AFG1L: variants seen among roughly 807,000 people sequenced by gnomAD.
AFG1L encodes AFG1 like ATPase.
In AFG1L, 53 loss-of-function variants were observed where a neutral mutation model predicts 62.2. That is an observed-to-expected ratio of 0.85 (90% CI 0.68 to 1.07). AFG1L has a LOEUF of 1.07. Ranked by LOEUF, AFG1L falls within the 50% of genes least tolerant of loss-of-function variation. The pLI is 0.00. For synonymous variants in AFG1L, 228 were observed against 210.3 expected, an observed-to-expected ratio of 1.08 and a Z score of -0.73; for missense variants, 555 against 590.5, an observed-to-expected ratio of 0.94 and a Z score of 0.62.
chr6:108,441,535 G>A (rs576551396), intron 7 of AFG1L, among the ~76,000 whole-genome samples: 1 of 151,956 alleles, frequency 6.6e-6, no homozygotes, highest in African/African-American at 2.4e-5. Flanking sequence ...AGAGGTCACA[G>A]GCCTTGTAAA....
At chr6:108,460,918 C>G (rs915585991) in intron 8 of AFG1L, among the ~76,000 whole-genome samples, 1 of 152,208 alleles carries the variant, frequency 6.6e-6, no homozygotes, top group African/African-American at 2.4e-5. Flanking sequence ...GATGGCGCCA[C>G]TGCACTCCAG....
At chr6:108,340,505 C>T (rs113602663) in intron 2 of AFG1L, among the ~76,000 whole-genome samples, 3,377 of 152,130 alleles carry the variant, frequency 0.022, 117 homozygotes, top group African/African-American at 0.077. Flanking sequence ...GCTGGGATTA[C>T]AGGCGTGTGC....
chr6:108,396,885 C>A (rs1233394959), intron 6 of AFG1L, among the ~76,000 whole-genome samples: 1 of 152,110 alleles, frequency 6.6e-6, no homozygotes, highest in Non-Finnish European at 1.5e-5. Flanking sequence ...ACTGGATATA[C>A]CATCCTCTCA....
At chr6:108,490,217 G>A (rs1176410206) in intron 10 of AFG1L, among the ~76,000 whole-genome samples, 5 of 152,136 alleles carry the variant, frequency 3.3e-5, no homozygotes, top group African/African-American at 4.8e-5. Context: ...AAATTAGCTG[G>A]GTGTGGTGGC....
chr6:108,519,630 G>C lies in AFG1L; in HGVS notation c.1204-67G>C, dbSNP rs938853813. 13 of 838,882 alleles carry C rather than the reference G, an allele frequency of 1.5e-5. No homozygotes were observed. The African/African-American group carries it at 2.2e-4, about 14-fold the overall frequency. 52.0% of individuals were successfully genotyped at this position (838,882 alleles called of 1,614,324 possible). On this transcript the variant is annotated intron_variant, in intron 11 of 12. Transcript: ENST00000368977. ...TGAAAAACAGACTTTTATTTTGTGAGATTTTTCTTACCTTCAACTTGTGAA... is the reference window on the plus strand; with the variant it reads ...TGAAAAACAGACTTTTATTTTGTGACATTTTTCTTACCTTCAACTTGTGAA...
chr6:108,508,750 A>G (rs1169148068), intron 10 of AFG1L, among the ~76,000 whole-genome samples: 2 of 152,184 alleles, frequency 1.3e-5, no homozygotes, highest in Non-Finnish European at 2.9e-5. Context: ...TGGTAGGCTT[A>G]AGTGAATGGA....
chr6:108,491,422 A>G (rs1773776069), intron 10 of AFG1L, among the ~76,000 whole-genome samples: 3 of 152,210 alleles, frequency 2.0e-5, no homozygotes, highest in African/African-American at 7.2e-5. Context: ...CTGCCGACAT[A>G]TGCTTGTATC....
At chr6:108,378,199 G>A (rs1035938966) in intron 6 of AFG1L, among the ~76,000 whole-genome samples, 1 of 151,628 alleles carries the variant, frequency 6.6e-6, no homozygotes, top group African/African-American at 2.4e-5. Context: ...TTCTTTTTGA[G>A]ATGTTTATCT....
At position 108,483,890 on chromosome 6, in the gene AFG1L, C is replaced by T. The variant is rs184537770; in HGVS notation, c.1062+6598C>T. ...TCATATTAGTGTATATATCCTTAGA[C>T]TTATAAGTATACCATATAGTATCCC... is the stretch of plus-strand genomic sequence containing the variant. On this transcript the variant is annotated intron_variant, in intron 10 of 12. Coordinates refer to ENST00000368977, the MANE Select transcript of AFG1L (RefSeq NM_145315.5). Among the ~76,000 whole-genome samples, 82 of 152,246 alleles carry T rather than the reference C, an allele frequency of 5.4e-4. 2 individuals carry two copies. Among genetic ancestry groups the T allele is most frequent in the South Asian group, 5.0e-3 (24 of 4,822 alleles).
At chr6:108,511,047 T>C (rs1416818807) in intron 11 of AFG1L, among the ~76,000 whole-genome samples, 1 of 147,918 alleles carries the variant, frequency 6.8e-6, no homozygotes, top group Admixed American at 6.8e-5. Flanking sequence ...CCCACTGCAC[T>C]GCAGCCTTCC....
At chr6:108,464,860 C>T (rs9486892) in intron 8 of AFG1L, among the ~76,000 whole-genome samples, 55,320 of 152,012 alleles carry the variant, frequency 0.36, 10,636 homozygotes, top group Non-Finnish European at 0.44. Flanking sequence ...CTGTGATCAA[C>T]GTTTGATTAT....
intron 11 of AFG1L, among the ~76,000 whole-genome samples, chr6:108,514,426 C>A (rs928593550): frequency 3.3e-5 from 5 of 151,850 alleles, no homozygotes; most frequent in South Asian, 2.1e-4. Flanking sequence ...GAAATAAAAT[C>A]CTTTACAGAC....
intron 10 of AFG1L, among the ~76,000 whole-genome samples, chr6:108,505,925 A>G (rs1326475345): frequency 1.3e-5 from 2 of 152,244 alleles, no homozygotes; most frequent in Non-Finnish European, 2.9e-5. Flanking sequence ...ATGTAGATGT[A>G]CTTGATATTG....
chr6:108,453,630 A>G (rs1772143328), intron 8 of AFG1L, among the ~76,000 whole-genome samples: 1 of 152,230 alleles, frequency 6.6e-6, no homozygotes, highest in African/African-American at 2.4e-5. Flanking sequence ...ATTACTTACA[A>G]ACACTCCTCT....
chr6:108,503,398 A>G lies in AFG1L; in HGVS notation c.1063-6814A>G, dbSNP rs571482703. Among the ~76,000 whole-genome samples, 9 of 152,366 alleles carry G rather than the reference A, an allele frequency of 5.9e-5. No homozygotes were observed. In the East Asian group the frequency reaches 1.4e-3, roughly 23 times the overall value. ...TGTTGTGTTAACAGTCATGAAAACA[A>G]CATTCATCTCTTTGTACAGTTCCAC... On this transcript the variant is annotated intron_variant, in intron 10 of 12. Coordinates refer to ENST00000368977, the MANE Select transcript of AFG1L (RefSeq NM_145315.5).
intron 8 of AFG1L, among the ~76,000 whole-genome samples, chr6:108,450,185 C>T (rs1419967565): frequency 2.0e-5 from 3 of 152,202 alleles, no homozygotes; most frequent in Admixed American, 6.5e-5. Flanking sequence ...ACACTGACTT[C>T]CACAATGGTT....
chr6:108,520,550 C>A (rs1380710181), intron 12 of AFG1L: 1 of 151,946 alleles, frequency 6.6e-6, no homozygotes, highest in Non-Finnish European at 1.5e-5. Context: ...TCAACACTCA[C>A]CCCATGAGGG....
chr6:108,518,357 G>A (rs1441459427), intron 11 of AFG1L, among the ~76,000 whole-genome samples: 9 of 152,114 alleles, frequency 5.9e-5, no homozygotes, highest in Admixed American at 2.0e-4. Context: ...GTAGGGACAT[G>A]GATGAAGCTG....
intron 10 of AFG1L, among the ~76,000 whole-genome samples, chr6:108,493,469 G>T (rs185857338): frequency 5.8e-4 from 89 of 152,262 alleles, no homozygotes; most frequent in African/African-American, 1.9e-3. Context: ...AAGAAGCTAG[G>T]CAAGACTTTC....
Sources: gnomAD v4.1 joint callset for allele counts (sites outside exome capture counted in the v4.1 genomes callset) on GRCh38, gnomAD v4.1.1 for gene constraint, MANE v1.5 for transcripts, NCBI Gene and HGNC (gene_info 2026-07-23, HGNC 2026-07-21) for gene names.